Variants in LDLRAD3 observed in about 807,000 individuals in gnomAD.
LDLRAD3 encodes the protein low density lipoprotein receptor class A domain containing 3, also known as low-density lipoprotein receptor class A domain-containing protein 3.
A neutral mutation model predicts 29.4 loss-of-function variants in LDLRAD3; 20 were observed. That is an observed-to-expected ratio of 0.68 (90% confidence interval 0.48 to 0.99). The LOEUF is 0.99. LDLRAD3 is among the 50% of genes least tolerant of loss of function. The pLI is 0.00. For synonymous variants in LDLRAD3, 157 were observed against 192.7 expected, an observed-to-expected ratio of 0.81 and a Z score of 1.53; for missense variants, 420 against 454.3, an observed-to-expected ratio of 0.92 and a Z score of 0.69.
chr11:36,098,311 T>C lies in LDLRAD3; in HGVS notation c.320-16T>C. The C allele has an allele frequency of 6.2e-7, 1 of 1,613,498 alleles. No homozygotes were observed. Among genetic ancestry groups the C allele is most frequent in the Non-Finnish European group, 8.5e-7 (1 of 1,179,996 alleles). On this transcript the variant is annotated splice_polypyrimidine_tract_variant and intron_variant, in intron 3 of 5. Coordinates refer to ENST00000315571, the MANE Select transcript of LDLRAD3 (RefSeq NM_174902.4). ...TGCTGGCCTCCCTGGTAATGTGCTG[T>C]GTTTTCCCTCTGCAGCAGCAAACCC...
At chr11:36,127,485 G>A (rs1282099673) in intron 4 of LDLRAD3, among the ~76,000 whole-genome samples, 1 of 152,196 alleles carries the variant, frequency 6.6e-6, no homozygotes, top group Non-Finnish European at 1.5e-5. Context: ...TTTTTAGGAA[G>A]ATGTGATTAA....
Position 36,134,515 on chromosome 11 carries a change from G to A in LDLRAD3, c.454+36054G>A, listed in dbSNP as rs558526220. Among the ~76,000 whole-genome samples the A allele has an allele frequency of 9.2e-5, 14 of 152,266 alleles. No individual in the cohort carries two copies. In the South Asian group the frequency reaches 2.9e-3, roughly 32 times the overall value. On this transcript the variant is annotated intron_variant, in intron 4 of 5. Transcript: ENST00000315571. ...TCCAGAGCTCTCAAGCTTTGAGAGG[G>A]AATTTTACATATCATCTTAACAGTG... is the stretch of plus-strand genomic sequence containing the variant.
chr11:36,168,420 T>C (rs1031588868), intron 4 of LDLRAD3, among the ~76,000 whole-genome samples: 4 of 151,816 alleles, frequency 2.6e-5, no homozygotes, highest in Non-Finnish European at 5.9e-5. Context: ...AGAGAAATAA[T>C]TAAAGTTATA....
At chr11:36,108,651 G>A (rs1259314687) in intron 4 of LDLRAD3, among the ~76,000 whole-genome samples, 1 of 152,102 alleles carries the variant, frequency 6.6e-6, no homozygotes, top group Non-Finnish European at 1.5e-5. Flanking sequence ...AGGGTCAGCG[G>A]AGAAGGATCC....
At chr11:36,053,240 T>C (rs1387238505) in intron 2 of LDLRAD3, among the ~76,000 whole-genome samples, 1 of 152,150 alleles carries the variant, frequency 6.6e-6, no homozygotes, top group Non-Finnish European at 1.5e-5. Flanking sequence ...GCAGCCTTTT[T>C]TTTCTTTCTT....
chr11:36,031,210 G>C (rs987506488), intron 1 of LDLRAD3, among the ~76,000 whole-genome samples: 1 of 152,138 alleles, frequency 6.6e-6, no homozygotes, highest in African/African-American at 2.4e-5. Context: ...AGAAACCCCA[G>C]CTAGCCAACT....
rs562753927 is a variant in LDLRAD3, at chr11:35,970,605, C to T, written c.46+26461C>T. On this transcript the variant is annotated intron_variant, in intron 1 of 5. Coordinates refer to ENST00000315571, the MANE Select transcript of LDLRAD3 (RefSeq NM_174902.4). ...GCCCTTGGAATTAGTATAGTTAGAA[C>T]TACTTAGAAGAATATTAACCCCATT... Among the ~76,000 whole-genome samples the T allele has an allele frequency of 3.5e-4, 54 of 152,332 alleles. 1 individual carries two copies. The highest frequency in any genetic ancestry group is 1.2e-3 in the African/African-American group (49 of 41,578).
chr11:36,021,425 G>A (rs1852094756), intron 1 of LDLRAD3, among the ~76,000 whole-genome samples: 1 of 152,142 alleles, frequency 6.6e-6, no homozygotes, highest in Non-Finnish European at 1.5e-5. Flanking sequence ...AGAATATGGT[G>A]TGAGGGTGGC....
intron 4 of LDLRAD3, among the ~76,000 whole-genome samples, chr11:36,117,888 C>T (rs1260216985): frequency 6.6e-6 from 1 of 152,158 alleles, no homozygotes; most frequent in Non-Finnish European, 1.5e-5. Context: ...TAAGTGTAAT[C>T]AGGGCTCTAT....
intron 4 of LDLRAD3, among the ~76,000 whole-genome samples, chr11:36,142,971 A>G (rs1031904320): frequency 6.6e-6 from 1 of 152,242 alleles, no homozygotes; most frequent in Non-Finnish European, 1.5e-5. Context: ...TACATTTGAA[A>G]AAGGAGCCAA....
chr11:36,113,631 A>G (rs1314703756), intron 4 of LDLRAD3, among the ~76,000 whole-genome samples: 6 of 149,906 alleles, frequency 4.0e-5, no homozygotes, highest in Admixed American at 3.3e-4. Flanking sequence ...GGGTACTTAT[A>G]TCACCTTTTA....
At chr11:36,130,506 T>C (rs1037049873) in intron 4 of LDLRAD3, among the ~76,000 whole-genome samples, 6 of 152,190 alleles carry the variant, frequency 3.9e-5, no homozygotes, top group Non-Finnish European at 8.8e-5. Flanking sequence ...GAATGCTTCC[T>C]TGCCCAGATG....
At chr11:35,988,436 G>A (rs542365774) in intron 1 of LDLRAD3, among the ~76,000 whole-genome samples, 13 of 152,180 alleles carry the variant, frequency 8.5e-5, no homozygotes, top group African/African-American at 1.4e-4. Context: ...TTTGCTTTTC[G>A]AATTAAGTTC....
At chr11:36,072,727 A>G (rs892250054) in intron 2 of LDLRAD3, among the ~76,000 whole-genome samples, 3 of 152,296 alleles carry the variant, frequency 2.0e-5, no homozygotes, top group Middle Eastern at 3.4e-3. Context: ...CAGTTTTGTC[A>G]TCTGTGGAAC....
At chr11:36,188,910 G>C (rs1259727617) in intron 4 of LDLRAD3, among the ~76,000 whole-genome samples, 1 of 151,748 alleles carries the variant, frequency 6.6e-6, no homozygotes, top group African/African-American at 2.4e-5. Context: ...CAGTTTAAGA[G>C]ATTGGATGTC....
At chr11:36,003,064 A>G (rs11033369) in intron 1 of LDLRAD3, among the ~76,000 whole-genome samples, 2,600 of 152,340 alleles carry the variant, frequency 0.017, 85 homozygotes, top group African/African-American at 0.059. Context: ...GATTGAGGTC[A>G]TAACTTTGAG....
chr11:36,061,450 G>A (rs79644670), intron 2 of LDLRAD3, among the ~76,000 whole-genome samples: 3,398 of 152,180 alleles, frequency 0.022, 110 homozygotes, highest in East Asian at 0.14. Context: ...CAAGCATGAA[G>A]CAATCTTGTG....
chr11:35,979,685 TA>T (rs1466173098), intron 1 of LDLRAD3, among the ~76,000 whole-genome samples: 1 of 152,180 alleles, frequency 6.6e-6, no homozygotes, highest in Non-Finnish European at 1.5e-5. Flanking sequence ...GAAGCCAAGT[TA>T]AAATCGAGTT....
chr11:35,992,619 A>G lies in LDLRAD3; in HGVS notation c.47-43484A>G, dbSNP rs182726737. 2.0e-3 allele frequency among the ~76,000 whole-genome samples: 302 copies of G among 152,368 alleles called. 1 individual carries two copies. Among genetic ancestry groups the G allele is most frequent in the Non-Finnish European group, 3.8e-3 (256 of 68,038 alleles). ...CAAAAGACCACATATTGTATCATTC[A>G]ATTTATAGGAAATGTCCAGAATAGG... On this transcript the variant is annotated intron_variant, in intron 1 of 5. Transcript: ENST00000315571.
Sources: allele counts gnomAD v4.1 joint callset (sites outside exome capture counted in the v4.1 genomes callset), GRCh38; gene constraint gnomAD v4.1.1; transcripts MANE v1.5; gene names NCBI Gene and HGNC (gene_info 2026-07-23, HGNC 2026-07-21).